The following MCPH1 variants were observed in gnomAD, a reference collection of about 807,000 sequenced individuals.
MCPH1 encodes the protein microcephalin 1, also known as microcephalin.
MCPH1 carries 104 observed loss-of-function variants against 84.5 expected under a neutral mutation model. The observed-to-expected ratio is 1.23, with a 90% CI of 1.05 to 1.45. MCPH1 has a LOEUF of 1.45. Ranked by LOEUF, MCPH1 falls within the 40% of genes most tolerant of loss-of-function variation. MCPH1 has a pLI of 0.00. For synonymous variants in MCPH1, 514 were observed against 366.8 expected, an observed-to-expected ratio of 1.40 and a Z score of -4.58; for missense variants, 1,498 against 1,005.7, an observed-to-expected ratio of 1.49 and a Z score of -6.62.
At chr8:6,503,023 C>A in intron 12 of MCPH1, 2 of 1,545,306 alleles carry the variant, frequency 1.3e-6, no homozygotes, top group Non-Finnish European at 8.8e-7. Flanking sequence ...GGACACAGTG[C>A]GCAGCCGTGA....
chr8:6,469,747 G>A (rs1246050195), intron 9 of MCPH1, among the ~76,000 whole-genome samples: 1 of 152,188 alleles, frequency 6.6e-6, no homozygotes, highest in Non-Finnish European at 1.5e-5. Flanking sequence ...GGGTATATCT[G>A]TTTAACTTGA....
chr8:6,631,758 C>A (rs1338115460), intron 13 of MCPH1, among the ~76,000 whole-genome samples: 7 of 151,792 alleles, frequency 4.6e-5, no homozygotes, highest in African/African-American at 1.7e-4. Flanking sequence ...ATATTGTAGC[C>A]ACGATAGAAA....
intron 12 of MCPH1, among the ~76,000 whole-genome samples, chr8:6,600,041 TC>T (rs200988901): frequency 0.012 from 1,857 of 152,332 alleles, 37 homozygotes; most frequent in African/African-American, 0.042. Context: ...AGTAACCTTT[TC>T]CCCACAGGAG....
At chr8:6,613,529 G>C (rs1395725104) in intron 12 of MCPH1, among the ~76,000 whole-genome samples, 2 of 152,102 alleles carry the variant, frequency 1.3e-5, no homozygotes, top group Admixed American at 6.6e-5. Flanking sequence ...CGCTGGGCAG[G>C]GGCCTGGGGC....
intron 12 of MCPH1, among the ~76,000 whole-genome samples, chr8:6,588,898 C>G (rs1828219581): frequency 6.6e-6 from 1 of 152,232 alleles, no homozygotes; most frequent in Non-Finnish European, 1.5e-5. Context: ...AGGGGGCTTT[C>G]CATCCTTTAT....
rs59016342 is a variant in MCPH1, at chr8:6,419,128, TACACAC to T, written c.233+4263_233+4268del. Among the ~76,000 whole-genome samples the T allele has an allele frequency of 2.4e-3, 344 of 144,596 alleles. 2 individuals are homozygous for T. The highest frequency in any genetic ancestry group is 7.7e-3 in the African/African-American group (290 of 37,650). 94.9% of individuals were successfully genotyped at this position (144,596 alleles called of 152,430 possible). The stretch of plus-strand genomic sequence containing the variant: ...CAACCCTTTTATATTTATATACACA[TACACAC>T]ACACACACACACACACAGACACACA... On this transcript the variant is annotated intron_variant, in intron 3 of 13. Coordinates refer to ENST00000344683, the MANE Select transcript of MCPH1 (RefSeq NM_024596.5).
intron 6 of MCPH1, among the ~76,000 whole-genome samples, chr8:6,441,606 T>C (rs562418824): frequency 1.4e-4 from 21 of 152,332 alleles, no homozygotes; most frequent in African/African-American, 5.1e-4. Context: ...ACAGCTGACA[T>C]TTGGGTCTGG....
intron 12 of MCPH1, among the ~76,000 whole-genome samples, chr8:6,510,289 C>T (rs1217635386): frequency 6.6e-6 from 1 of 152,098 alleles, no homozygotes; most frequent in Admixed American, 6.5e-5. Flanking sequence ...ACGTTGGGTC[C>T]TCACGTCCTG....
At chr8:6,630,362 A>C (rs1475852142) in intron 13 of MCPH1, among the ~76,000 whole-genome samples, 3 of 152,256 alleles carry the variant, frequency 2.0e-5, no homozygotes, top group Non-Finnish European at 4.4e-5. Context: ...GAGCATGATG[A>C]ACAATTTAAT....
chr8:6,638,294 C>G (rs1797700821), intron 13 of MCPH1, among the ~76,000 whole-genome samples: 1 of 152,176 alleles, frequency 6.6e-6, no homozygotes, highest in African/African-American at 2.4e-5. Flanking sequence ...GTGGCTAGAT[C>G]TCCTAGCCCT....
chr8:6,571,693 T>C (rs982330712), intron 12 of MCPH1, among the ~76,000 whole-genome samples: 4 of 152,144 alleles, frequency 2.6e-5, no homozygotes, highest in African/African-American at 9.6e-5. Flanking sequence ...ATAAATAAAA[T>C]TGCTTATGTC....
intron 12 of MCPH1, among the ~76,000 whole-genome samples, chr8:6,560,838 A>G (rs916361491): frequency 6.6e-6 from 1 of 152,226 alleles, no homozygotes; most frequent in Non-Finnish European, 1.5e-5. Context: ...ATGGAGTTTC[A>G]GGTATACCTA....
intron 12 of MCPH1, among the ~76,000 whole-genome samples, chr8:6,540,262 T>G (rs553906653): frequency 6.6e-6 from 1 of 152,360 alleles, no homozygotes; most frequent in East Asian, 1.9e-4. Flanking sequence ...CCCTTACCAC[T>G]ACTCCAAAAT....
At chr8:6,554,522 T>A (rs1824247513) in intron 12 of MCPH1, among the ~76,000 whole-genome samples, 1 of 152,206 alleles carries the variant, frequency 6.6e-6, no homozygotes, top group African/African-American at 2.4e-5. Context: ...CCATAAAAAA[T>A]TATAAAATTA....
intron 8 of MCPH1, among the ~76,000 whole-genome samples, chr8:6,451,748 G>C (rs1805114110): frequency 6.6e-6 from 1 of 151,868 alleles, no homozygotes; most frequent in Non-Finnish European, 1.5e-5. Context: ...TTAATATTTT[G>C]CATACTACAT....
At chr8:6,415,694 A>T (rs111706820) in intron 3 of MCPH1, among the ~76,000 whole-genome samples, 9,907 of 152,064 alleles carry the variant, frequency 0.065, 793 homozygotes, top group African/African-American at 0.19. Context: ...TAAGTTTTGA[A>T]ATTGGGAAGT....
At chr8:6,511,301 C>A (rs1352742269) in intron 12 of MCPH1, among the ~76,000 whole-genome samples, 1 of 147,940 alleles carries the variant, frequency 6.8e-6, no homozygotes, top group Admixed American at 6.7e-5. Context: ...TTTTTTTTTT[C>A]AATCTCTGCA....
At chr8:6,504,213 G>C (rs892951686) in intron 12 of MCPH1, among the ~76,000 whole-genome samples, 2 of 150,872 alleles carry the variant, frequency 1.3e-5, no homozygotes, top group East Asian at 3.9e-4. Context: ...AGCTACTCGG[G>C]AGGCTGAGGC....
chr8:6,589,428 A>C (rs1337187279), intron 12 of MCPH1, among the ~76,000 whole-genome samples: 1 of 152,212 alleles, frequency 6.6e-6, no homozygotes, highest in Non-Finnish European at 1.5e-5. Flanking sequence ...CAATGAGTTC[A>C]TCGACGGCCG....
Sources: allele counts gnomAD v4.1 joint callset (sites outside exome capture counted in the v4.1 genomes callset), GRCh38; gene constraint gnomAD v4.1.1; transcripts MANE v1.5; gene names NCBI Gene and HGNC (gene_info 2026-07-23, HGNC 2026-07-21).